SORBS2: variants seen among roughly 807,000 people sequenced by gnomAD.
SORBS2 encodes sorbin and SH3 domain-containing protein 2.
Under a neutral mutation model 97.7 loss-of-function variants are expected in SORBS2, and 46 were observed. That is an observed-to-expected ratio of 0.47 (90% confidence interval 0.37 to 0.60). The LOEUF is 0.60. SORBS2 is among the 20% of genes least tolerant of loss of function. The pLI is 0.00. For missense variants in SORBS2, 1,316 were observed against 1,282.3 expected (o/e 1.03, Z -0.40); for synonymous variants, 476 against 473.4 (o/e 1.01, Z -0.07).
intron 1 of SORBS2, among the ~76,000 whole-genome samples, chr4:185,833,788 A>T (rs143691550): frequency 3.9e-5 from 6 of 152,334 alleles, no homozygotes; most frequent in African/African-American, 1.4e-4. Context: ...TTCAGTTAAT[A>T]CAAAAATGAA....
chr4:185,806,520 G>T (rs529775935), intron 1 of SORBS2, among the ~76,000 whole-genome samples: 4 of 137,944 alleles, frequency 2.9e-5, no homozygotes, highest in East Asian at 2.3e-4. Flanking sequence ...TGCAGTGGCG[G>T]GATCTCGGCT....
intron 4 of SORBS2, among the ~76,000 whole-genome samples, chr4:185,666,454 G>C (rs573889152): frequency 6.6e-6 from 1 of 152,254 alleles, no homozygotes; most frequent in South Asian, 2.1e-4. Context: ...TTCTGGTTAG[G>C]GGCTTGAGAG....
Position 185,951,408 on chromosome 4 carries a change from C to T in SORBS2, c.-338+4788G>A, listed in dbSNP as rs536680306. Among the ~76,000 whole-genome samples, 3 of 152,286 alleles carry T rather than the reference C, an allele frequency of 2.0e-5. No individual in the cohort carries two copies. In the South Asian group the frequency reaches 6.2e-4, roughly 32 times the overall value. On this transcript the variant is annotated intron_variant, in intron 1 of 20. Coordinates refer to the SORBS2 transcript ENST00000284776. ...GCCTTCCTCCAGCCCAGCTCACTGCCCGGGTACTGCTGCCCTGTCATCTCT... is the reference window on the plus strand; with the variant it reads ...GCCTTCCTCCAGCCCAGCTCACTGCTCGGGTACTGCTGCCCTGTCATCTCT...
At chr4:185,901,839 A>T (rs909049264) in intron 1 of SORBS2, among the ~76,000 whole-genome samples, 3 of 152,236 alleles carry the variant, frequency 2.0e-5, no homozygotes, top group Non-Finnish European at 4.4e-5. Flanking sequence ...AAGCTATTAA[A>T]GCTAAAGTTA....
At chr4:185,650,116 G>A (rs1243020423) in intron 2 of SORBS2, among the ~76,000 whole-genome samples, 1 of 152,148 alleles carries the variant, frequency 6.6e-6, no homozygotes, top group Non-Finnish European at 1.5e-5. Flanking sequence ...ACAAAATATT[G>A]CACACAGTTG....
At chr4:185,898,968 C>CT (rs1435269603) in intron 1 of SORBS2, among the ~76,000 whole-genome samples, 1 of 152,088 alleles carries the variant, frequency 6.6e-6, no homozygotes, top group Non-Finnish European at 1.5e-5. Flanking sequence ...ACCTATCATG[C>CT]TTTGGTTCAA....
At chr4:185,803,070 T>C (rs1042409337) in intron 1 of SORBS2, among the ~76,000 whole-genome samples, 2 of 152,140 alleles carry the variant, frequency 1.3e-5, no homozygotes, top group African/African-American at 4.8e-5. Flanking sequence ...TGGTAACAAA[T>C]ACTTAGAGGG....
intron 2 of SORBS2, among the ~76,000 whole-genome samples, chr4:185,730,313 T>C (rs1583572361): frequency 2.0e-5 from 1 of 50,468 alleles, no homozygotes; most frequent in Non-Finnish European, 6.5e-5. Flanking sequence ...ATACTTTCTT[T>C]TTTTTTTTTT....
chr4:185,765,182 TTTA>T (rs1281117695), intron 2 of SORBS2, among the ~76,000 whole-genome samples: 1 of 152,152 alleles, frequency 6.6e-6, no homozygotes, highest in African/African-American at 2.4e-5. Context: ...ATGAAAATAT[TTTA>T]TTCAATGAAA....
At chr4:185,916,913 C>T (rs2099258448) in intron 1 of SORBS2, among the ~76,000 whole-genome samples, 1 of 152,198 alleles carries the variant, frequency 6.6e-6, no homozygotes, top group African/African-American at 2.4e-5. Flanking sequence ...TGGCAGCTCC[C>T]AGGTAGCTAC....
At chr4:185,799,973 G>A (rs759773118) in intron 1 of SORBS2, among the ~76,000 whole-genome samples, 7 of 152,154 alleles carry the variant, frequency 4.6e-5, no homozygotes, top group East Asian at 1.9e-4. Flanking sequence ...TGAGGCAGAC[G>A]GATCACTTAA....
chr4:185,937,549 T>C (rs770844097), intron 1 of SORBS2, among the ~76,000 whole-genome samples: 2 of 152,166 alleles, frequency 1.3e-5, no homozygotes, highest in African/African-American at 2.4e-5. Context: ...CACTAAATCC[T>C]TCGTCAAAAA....
rs753334789 is a variant in SORBS2, at chr4:185,646,794, C to T, written c.282-12G>A. ...GATCCCAGTCATGCCTAGAAATAAACAATAAATCACACATTAAAATAATCC... is the reference window on the plus strand; with the variant it reads ...GATCCCAGTCATGCCTAGAAATAAATAATAAATCACACATTAAAATAATCC... On this transcript the variant is annotated splice_polypyrimidine_tract_variant and intron_variant, in intron 3 of 14. Transcript: ENST00000418609. 2.2e-6 allele frequency: 3 copies of T among 1,393,924 alleles called. No homozygotes were observed. The highest frequency in any genetic ancestry group is 1.7e-5 in the Admixed American group (1 of 59,624). The allele number at this position is 1,393,924 out of a possible 1,614,324, so 86.3% of individuals were successfully genotyped here. A position where few individuals can be genotyped will look rare whatever the true frequency, so the allele number is the denominator to read the frequency against.
intron 2 of SORBS2, among the ~76,000 whole-genome samples, chr4:185,737,242 G>A (rs1483038870): frequency 6.6e-6 from 1 of 152,180 alleles, no homozygotes; most frequent in Non-Finnish European, 1.5e-5. Flanking sequence ...TCCAGGTTGG[G>A]GGTATAAAGA....
At chr4:185,943,005 CAGAT>C (rs1365548088) in intron 1 of SORBS2, among the ~76,000 whole-genome samples, 2 of 152,212 alleles carry the variant, frequency 1.3e-5, no homozygotes, top group African/African-American at 4.8e-5. Context: ...ATAAATTCCA[CAGAT>C]AATCTGTTTG....
chr4:185,930,069 ATG>A (rs2099265710), intron 1 of SORBS2, among the ~76,000 whole-genome samples: 2 of 152,168 alleles, frequency 1.3e-5, no homozygotes, highest in South Asian at 2.1e-4. Context: ...GGCAGAACAA[ATG>A]TGTGTTATCT....
intron 2 of SORBS2, among the ~76,000 whole-genome samples, chr4:185,699,594 A>G (rs1213556612): frequency 2.6e-5 from 4 of 152,240 alleles, no homozygotes; most frequent in Non-Finnish European, 4.4e-5. Flanking sequence ...GCCAGAATGT[A>G]TCTTAAATTG....
intron 1 of SORBS2, among the ~76,000 whole-genome samples, chr4:185,822,237 T>C (rs1312670150): frequency 6.6e-6 from 1 of 152,228 alleles, no homozygotes; most frequent in Admixed American, 6.5e-5. Context: ...CTTTATCTAG[T>C]GTTTCCCCAG....
intron 2 of SORBS2, among the ~76,000 whole-genome samples, chr4:185,769,247 G>C (rs2098955522): frequency 6.6e-6 from 1 of 152,196 alleles, no homozygotes; most frequent in South Asian, 2.1e-4. Flanking sequence ...ATTCGCTTAT[G>C]TTATATGTAG....
Sources: gnomAD v4.1 joint callset for allele counts (sites outside exome capture counted in the v4.1 genomes callset) on GRCh38, gnomAD v4.1.1 for gene constraint, MANE v1.5 for transcripts, NCBI Gene and HGNC (gene_info 2026-07-23, HGNC 2026-07-21) for gene names.